SPATA13: variants seen among roughly 807,000 people sequenced by gnomAD.
The protein encoded by SPATA13 is spermatogenesis-associated protein 13.
In SPATA13, 50 loss-of-function variants were observed where a neutral mutation model predicts 104.0. The ratio of observed to expected loss-of-function variants is 0.48; its 90% confidence interval spans 0.38 to 0.61. SPATA13 has a LOEUF of 0.61. SPATA13 is among the 20% of genes least tolerant of loss of function. The probability of loss-of-function intolerance (pLI) is 0.00; values close to 1 mark genes in which losing one functional copy is unlikely to be tolerated. For missense variants in SPATA13, 1,524 were observed against 1,690.6 expected, an observed-to-expected ratio of 0.90 and a Z score of 1.73; for synonymous variants, 606 against 667.5, an observed-to-expected ratio of 0.91 and a Z score of 1.42.
chr13:24,010,240 C>A (rs56724430), intron 2 of SPATA13, among the ~76,000 whole-genome samples: 2 of 152,076 alleles, frequency 1.3e-5, no homozygotes, highest in Non-Finnish European at 2.9e-5. Flanking sequence ...TCTGGCTCAG[C>A]GAATCTGCAT....
chr13:24,220,441 G>C (rs768322368), intron 1 of SPATA13, among the ~76,000 whole-genome samples: 18 of 152,182 alleles, frequency 1.2e-4, no homozygotes, highest in Non-Finnish European at 2.4e-4. Context: ...TTGACCTTTT[G>C]ATTAAACAAT....
chr13:24,006,401 T>C (rs4770546), intron 2 of SPATA13, among the ~76,000 whole-genome samples: 73,212 of 152,064 alleles, frequency 0.48, 18,403 homozygotes, highest in African/African-American at 0.64. Flanking sequence ...CTGTACACAG[T>C]ATAAATGAGC....
At chr13:24,145,837 C>T (rs1881910490) in intron 3 of SPATA13, among the ~76,000 whole-genome samples, 1 of 152,198 alleles carries the variant, frequency 6.6e-6, no homozygotes, top group Non-Finnish European at 1.5e-5. Flanking sequence ...GCCAAGACTT[C>T]ACGGCGGAGA....
At chr13:24,302,195 G>T (rs1264819832) in intron 12 of SPATA13, among the ~76,000 whole-genome samples, 3 of 152,308 alleles carry the variant, frequency 2.0e-5, no homozygotes, top group East Asian at 1.9e-4. Flanking sequence ...GGAGAGTTCA[G>T]TGAGAGAGAC....
intron 2 of SPATA13, among the ~76,000 whole-genome samples, chr13:24,237,367 CA>C (rs961996149): frequency 5.9e-4 from 89 of 151,688 alleles, no homozygotes; most frequent in African/African-American, 2.0e-3. Context: ...CATCTTAAAA[CA>C]AAACAAAACA....
At chr13:24,274,266 AC>A (rs1479426313) in intron 4 of SPATA13, among the ~76,000 whole-genome samples, 1 of 152,172 alleles carries the variant, frequency 6.6e-6, no homozygotes, top group Admixed American at 6.5e-5. Context: ...AGTAAGCTTA[AC>A]CTGAAGGTCC....
chr13:24,224,693 C>A, intron 2 of SPATA13, 111 bp downstream of exon 2: 1 of 1,122,504 alleles, frequency 8.9e-7, no homozygotes, highest in Non-Finnish European at 1.3e-6. Flanking sequence ...CCTCTGCTGA[C>A]CTTGTTGCCC....
chr13:24,118,696 C>T (rs4770587), intron 3 of SPATA13, among the ~76,000 whole-genome samples: 102,377 of 151,806 alleles, frequency 0.67, 35,164 homozygotes, highest in East Asian at 0.93. Context: ...GACTGCATCA[C>T]TGTGTTTCTT....
intron 10 of SPATA13, 86 bp downstream of exon 10, chr13:24,294,954 G>A (rs1310134199): frequency 7.2e-7 from 1 of 1,380,680 alleles, no homozygotes; most frequent in Non-Finnish European, 9.9e-7. Context: ...AATATCCTGT[G>A]GTCAATATCT....
intron 3 of SPATA13, among the ~76,000 whole-genome samples, chr13:24,251,115 A>G (rs576519077): frequency 4.7e-4 from 72 of 152,366 alleles, no homozygotes; most frequent in African/African-American, 1.6e-3. Flanking sequence ...GAAGGGCATT[A>G]TAAGAGAGAC....
At chr13:24,061,976 G>A (rs1878788778) in intron 3 of SPATA13, among the ~76,000 whole-genome samples, 1 of 152,034 alleles carries the variant, frequency 6.6e-6, no homozygotes, top group Non-Finnish European at 1.5e-5. Flanking sequence ...TTAGAACTAA[G>A]CTTTAACTTA....
chr13:24,060,043 T>C (rs2137753045), intron 3 of SPATA13, among the ~76,000 whole-genome samples: 1 of 152,312 alleles, frequency 6.6e-6, no homozygotes, highest in South Asian at 2.1e-4. Context: ...ATTGAGAAGT[T>C]CCAATGACAT....
At chr13:24,061,054 T>C (rs1878755392) in intron 3 of SPATA13, among the ~76,000 whole-genome samples, 1 of 152,028 alleles carries the variant, frequency 6.6e-6, no homozygotes, top group South Asian at 2.1e-4. Context: ...CCCCAAAAAG[T>C]GGGCAAATGA....
chr13:24,281,215 G>T (rs1001398143), intron 4 of SPATA13, among the ~76,000 whole-genome samples: 1 of 152,206 alleles, frequency 6.6e-6, no homozygotes, highest in Admixed American at 6.5e-5. Context: ...TCTTGGCTTT[G>T]TGCTTAGGCC....
intron 11 of SPATA13, among the ~76,000 whole-genome samples, chr13:24,299,810 G>C (rs879599416): frequency 1.3e-5 from 2 of 152,162 alleles, no homozygotes; most frequent in Non-Finnish European, 2.9e-5. Context: ...GCGAAGCCAA[G>C]GGTTGCCTCA....
rs1879440482 is a variant in SPATA13, at chr13:24,079,491, C to T, written c.-112+61790C>T. 1.3e-5 allele frequency among the ~76,000 whole-genome samples: 2 copies of T among 152,086 alleles called. 1 individual carries two copies. Among genetic ancestry groups the T allele is most frequent in the South Asian group, 4.2e-4 (2 of 4,814 alleles). On this transcript the variant is annotated intron_variant, in intron 3 of 14. Transcript: ENST00000424834. The stretch of plus-strand genomic sequence containing the variant: ...TTTGAAAGACTCTGGCTGAACTTTC[C>T]CTGCTACCTGGTTGCAGATTGCTTT...
intron 11 of SPATA13, among the ~76,000 whole-genome samples, chr13:24,298,363 C>T (rs888475839): frequency 6.6e-6 from 1 of 152,212 alleles, no homozygotes; most frequent in Non-Finnish European, 1.5e-5. Context: ...CCGCATCGTC[C>T]ATTGCAGTTA....
intron 3 of SPATA13, among the ~76,000 whole-genome samples, chr13:24,031,189 A>T (rs1041762491): frequency 3.9e-5 from 6 of 152,234 alleles, no homozygotes; most frequent in African/African-American, 1.2e-4. Context: ...CCTTTCATGG[A>T]TGGCATGGAT....
intron 3 of SPATA13, among the ~76,000 whole-genome samples, chr13:24,018,313 T>C (rs964044805): frequency 3.3e-5 from 5 of 152,238 alleles, no homozygotes; most frequent in South Asian, 2.1e-4. Flanking sequence ...TCTTTTTTGA[T>C]GGACAAATAG....
Sources: allele counts gnomAD v4.1 joint callset (sites outside exome capture counted in the v4.1 genomes callset), GRCh38; gene constraint gnomAD v4.1.1; transcripts MANE v1.5; gene names NCBI Gene and HGNC (gene_info 2026-07-23, HGNC 2026-07-21).